The following DCC variants were observed in gnomAD, a reference collection of about 807,000 sequenced individuals.
The protein encoded by DCC is DCC netrin 1 receptor.
Under a neutral mutation model 172.5 loss-of-function variants are expected in DCC, and 58 were observed. The ratio of observed to expected loss-of-function variants is 0.34; its 90% CI spans 0.27 to 0.42. The LOEUF is 0.42. Ranked by LOEUF, DCC falls within the 10% of genes least tolerant of loss-of-function variation. The probability of loss-of-function intolerance (pLI) is 1.00; values close to 1 mark genes in which losing one functional copy is unlikely to be tolerated. For synonymous variants in DCC, 709 were observed against 644.5 expected, an observed-to-expected ratio of 1.10 and a Z score of -1.52; for missense variants, 1,740 against 1,791.0, an observed-to-expected ratio of 0.97 and a Z score of 0.51.
intron 2 of DCC, among the ~76,000 whole-genome samples, chr18:52,880,181 G>A (rs541056554): frequency 6.6e-6 from 1 of 151,936 alleles, no homozygotes; most frequent in South Asian, 2.1e-4. Context: ...ACCCAGGCTG[G>A]AGTGCAGTGG....
intron 1 of DCC, among the ~76,000 whole-genome samples, chr18:52,353,241 T>C (rs1409853331): frequency 6.6e-6 from 1 of 151,424 alleles, no homozygotes; most frequent in Non-Finnish European, 1.5e-5. Context: ...ATGCTCTTTG[T>C]GTGTTCCATC....
chr18:52,648,943 A>G (rs1278611794), intron 1 of DCC, among the ~76,000 whole-genome samples: 1 of 152,140 alleles, frequency 6.6e-6, no homozygotes, highest in Non-Finnish European at 1.5e-5. Flanking sequence ...CTGATTCTGT[A>G]TCTTTGCTAA....
At chr18:53,320,520 C>T (rs930502216) in intron 13 of DCC, among the ~76,000 whole-genome samples, 1 of 152,100 alleles carries the variant, frequency 6.6e-6, no homozygotes, top group Non-Finnish European at 1.5e-5. Context: ...ACCCCTCTGC[C>T]TCTGTAATCA....
At chr18:53,221,003 G>T (rs1392160696) in intron 12 of DCC, among the ~76,000 whole-genome samples, 2 of 152,066 alleles carry the variant, frequency 1.3e-5, no homozygotes, top group Non-Finnish European at 2.9e-5. Flanking sequence ...CAGATAATTT[G>T]TAAGAATCTG....
intron 1 of DCC, among the ~76,000 whole-genome samples, chr18:52,408,587 T>C (rs1986736488): frequency 6.6e-6 from 1 of 152,118 alleles, no homozygotes. Context: ...TTAGTTCATA[T>C]GCAAAAGTTG....
intron 1 of DCC, among the ~76,000 whole-genome samples, chr18:52,611,073 T>C (rs1394659411): frequency 1.3e-5 from 2 of 152,210 alleles, no homozygotes; most frequent in Non-Finnish European, 2.9e-5. Context: ...GTATGTTTAA[T>C]CAGTTATGTT....
intron 1 of DCC, among the ~76,000 whole-genome samples, chr18:52,630,211 T>A (rs1370816859): frequency 6.6e-6 from 1 of 152,148 alleles, no homozygotes; most frequent in East Asian, 1.9e-4. Context: ...TAGAAATGTG[T>A]CAGTCGTGAT....
At chr18:52,802,689 A>T (rs561424623) in intron 2 of DCC, among the ~76,000 whole-genome samples, 88 of 81,146 alleles carry the variant, frequency 1.1e-3, no homozygotes, top group Middle Eastern at 0.011. Flanking sequence ...TTTTTAATGG[A>T]GACACAGGGT....
intron 1 of DCC, among the ~76,000 whole-genome samples, chr18:52,642,971 A>C (rs2034939817): frequency 6.6e-6 from 1 of 152,226 alleles, no homozygotes; most frequent in African/African-American, 2.4e-5. Context: ...ATTTTTGAGG[A>C]AGAGCTTTCC....
At chr18:52,989,288 C>G (rs1472111443) in intron 5 of DCC, among the ~76,000 whole-genome samples, 1 of 151,926 alleles carries the variant, frequency 6.6e-6, no homozygotes, top group African/African-American at 2.4e-5. Flanking sequence ...TTTGGGAGGC[C>G]CAGGCGGGTG....
rs141592010 is a variant in DCC at position 52,674,065 on chromosome 18, G to A, written c.92-77989G>A. On this transcript the variant is annotated intron_variant, in intron 1 of 28. Coordinates refer to ENST00000442544, the MANE Select transcript of DCC (RefSeq NM_005215.4). The stretch of plus-strand genomic sequence containing the variant: ...AAGCCTTGCTTGTTTCACACTTGGT[G>A]ATATATTATACCATTGACCAAAGGA... 2.6e-5 allele frequency among the ~76,000 whole-genome samples: 4 copies of A among 152,258 alleles called. No individual in the cohort carries two copies. In the East Asian group the frequency reaches 7.7e-4, roughly 29 times the overall value.
intron 9 of DCC, among the ~76,000 whole-genome samples, chr18:53,188,500 C>T (rs1199631294): frequency 1.3e-5 from 2 of 152,144 alleles, no homozygotes; most frequent in African/African-American, 2.4e-5. Context: ...TGAAGGGGCA[C>T]TAGAAAAGCC....
chr18:53,513,110 C>A (rs1320822315), intron 27 of DCC, among the ~76,000 whole-genome samples: 1 of 152,226 alleles, frequency 6.6e-6, no homozygotes, highest in Non-Finnish European at 1.5e-5. Flanking sequence ...AACAGCTGAT[C>A]TCTCAGCAGA....
chr18:52,935,085 T>G (rs2040362502), intron 5 of DCC, among the ~76,000 whole-genome samples: 2 of 152,148 alleles, frequency 1.3e-5, no homozygotes, highest in African/African-American at 4.8e-5. Flanking sequence ...TTGGTCTTTT[T>G]TATCAAAAGT....
chr18:53,376,251 G>C (rs1907277063), intron 15 of DCC, among the ~76,000 whole-genome samples: 1 of 152,058 alleles, frequency 6.6e-6, no homozygotes, highest in South Asian at 2.1e-4. Flanking sequence ...GGGCGTGTTG[G>C]TGGGTGCCTG....
intron 16 of DCC, among the ~76,000 whole-genome samples, chr18:53,389,399 T>G (rs72929492): frequency 0.11 from 16,893 of 152,022 alleles, 1,015 homozygotes; most frequent in East Asian, 0.21. Flanking sequence ...TAGCTGTGCT[T>G]GCTGTGCACG....
intron 9 of DCC, among the ~76,000 whole-genome samples, 159 bp downstream of exon 9, chr18:53,179,275 C>G (rs763971208): frequency 1.3e-5 from 2 of 152,166 alleles, no homozygotes; most frequent in Non-Finnish European, 2.9e-5. Context: ...TAAAAGATAA[C>G]TTGTAAATAG....
intron 15 of DCC, among the ~76,000 whole-genome samples, chr18:53,369,065 G>A (rs1471229141): frequency 2.0e-5 from 3 of 152,022 alleles, no homozygotes; most frequent in Admixed American, 6.6e-5. Context: ...CTTCTAGTAC[G>A]TGAACACGGG....
At chr18:53,008,737 T>C (rs1447675597) in intron 5 of DCC, among the ~76,000 whole-genome samples, 4 of 148,802 alleles carry the variant, frequency 2.7e-5, no homozygotes, top group Non-Finnish European at 4.5e-5. Flanking sequence ...AATTGTAAAA[T>C]ATACATTTAG....
Sources: allele counts gnomAD v4.1 joint callset (sites outside exome capture counted in the v4.1 genomes callset), GRCh38; gene constraint gnomAD v4.1.1; transcripts MANE v1.5; gene names NCBI Gene and HGNC (gene_info 2026-07-23, HGNC 2026-07-21).